SEPTIN6: variants seen among roughly 807,000 people sequenced by gnomAD.
SEPTIN6 encodes the protein septin 6.
Under a neutral mutation model 33.6 loss-of-function variants are expected in SEPTIN6, and 8 were observed. The observed-to-expected ratio is 0.24, with a 90% confidence interval of 0.14 to 0.43. The LOEUF is 0.43. Ranked by LOEUF, SEPTIN6 falls within the 20% of genes least tolerant of loss-of-function variation. The probability of loss-of-function intolerance (pLI) is 1.00; values close to 1 mark genes in which losing one functional copy is unlikely to be tolerated. For missense variants in SEPTIN6, 250 were observed against 340.8 expected (o/e 0.73, Z 2.10); for synonymous variants, 131 against 140.0 (o/e 0.94, Z 0.45).
downstream of SEPTIN6, chrX:119,616,096 C>T (rs2053662266): frequency 5.4e-6 from 1 of 186,403 alleles, no homozygotes; most frequent in African/African-American, 2.9e-5. Context: ...CTCTCAAAAC[C>T]CTAACTGGTC....
intron 5 of SEPTIN6, among the ~76,000 whole-genome samples, chrX:119,641,826 G>A (rs1372717131): frequency 8.9e-6 from 1 of 112,787 alleles, no homozygotes; most frequent in Admixed American, 9.4e-5. Flanking sequence ...GTGAGCCCAG[G>A]TGGGGCTTTG....
At chrX:119,686,437 C>T (rs987669402) in intron 1 of SEPTIN6, 15 of 303,457 alleles carry the variant, frequency 4.9e-5, no homozygotes, top group Non-Finnish European at 5.7e-6. Context: ...AGAAGGCCTG[C>T]AGATCTTTTC....
At chrX:119,669,828 T>C (rs2054710543) in intron 2 of SEPTIN6, among the ~76,000 whole-genome samples, 1 of 112,017 alleles carries the variant, frequency 8.9e-6, no homozygotes, top group South Asian at 3.7e-4. Flanking sequence ...CTAGCTGCCC[T>C]TTCCCTCCTC....
At chrX:119,630,887 T>C (rs2053946387) in intron 8 of SEPTIN6, among the ~76,000 whole-genome samples, 1 of 99,764 alleles carries the variant, frequency 1.0e-5, no homozygotes, top group South Asian at 4.4e-4. Context: ...TGAGACTCTG[T>C]CTCGGAAAAA....
In SEPTIN6 at chrX:119,652,866, C is replaced by T; in HGVS notation, c.516G>A (p.Lys172=). The part of the protein sequence containing the change: ...LKSLDLVTMK[K]LDSKVNIIPI... ...CTGCCTCCTATACCTTACTGTCCAG[C>T]TTCTTCATAGTCACTAGGTCCAGAG... Residue 172 remains lysine (K), a synonymous_variant, in exon 4 of 11, where the codon AAG becomes AAA. Coordinates refer to ENST00000394610, the MANE Select transcript of SEPTIN6 (RefSeq NM_145799.4). 1 of 1,210,528 alleles carries T rather than the reference C, an allele frequency of 8.3e-7. No individual in the cohort carries two copies. Among genetic ancestry groups the T allele is most frequent in the Non-Finnish European group, 1.1e-6 (1 of 894,849 alleles).
intron 2 of SEPTIN6, among the ~76,000 whole-genome samples, chrX:119,665,345 C>G (rs1009421405): frequency 9.0e-6 from 1 of 111,483 alleles, no homozygotes; most frequent in Non-Finnish European, 1.9e-5. Context: ...CTCTGGTGAT[C>G]CACCTGCCTC....
intron 10 of SEPTIN6, chrX:119,624,154 T>G (rs112780297): frequency 0.097 from 23,566 of 241,800 alleles, 2,024 homozygotes; most frequent in African/African-American, 0.38. Flanking sequence ...GTTTTTTTTT[T>G]TTGTTTTTTT....
chrX:119,633,487 T>C lies in SEPTIN6; in HGVS notation c.962A>G (p.Gln321Arg). 1 of 1,196,897 alleles carries C rather than the reference T, an allele frequency of 8.4e-7. No individual in the cohort carries two copies. Among genetic ancestry groups the C allele is most frequent in the Non-Finnish European group, 1.1e-6 (1 of 889,023 alleles). The change falls in exon 8 of 11, where the codon CAG becomes CGG. Residue 321 changes from glutamine (Q) to arginine (R), a missense_variant. Gln to Arg is a conservative substitution (Grantham distance 43). This residue lies in a region of SEPTIN6 where 139 missense variants were observed against 227.0 expected (regional missense o/e 0.61). Transcript: ENST00000394610. ...TDPDSKPFSL[Q>R]ETYEAKRNEF... ...GTTCCTTTTGGCCTCATATGTCTCCTGTAAACTGCGAACATGGTCAGGTTA... is the reference window on the plus strand; with the variant it reads ...GTTCCTTTTGGCCTCATATGTCTCCCGTAAACTGCGAACATGGTCAGGTTA...
At chrX:119,621,380 C>T (rs2053757108) in intron 10 of SEPTIN6, among the ~76,000 whole-genome samples, 1 of 104,717 alleles carries the variant, frequency 9.5e-6, no homozygotes, top group Non-Finnish European at 1.9e-5. Flanking sequence ...ATGAGTAGAC[C>T]AAGAAACACA....
intron 10 of SEPTIN6, among the ~76,000 whole-genome samples, chrX:119,622,962 A>C (rs1243367992): frequency 8.9e-6 from 1 of 112,349 alleles, no homozygotes; most frequent in African/African-American, 3.2e-5. Context: ...CAGACAGTAA[A>C]TCAAGTCACT....
Position 119,617,138 on chromosome X carries a change from G to A in SEPTIN6, c.*2955C>T. The A allele has an allele frequency of 1.3e-6, 1 of 745,677 alleles. No individual in the cohort carries two copies. The highest frequency in any genetic ancestry group is 7.0e-5 in the Admixed American group (1 of 14,347). The allele number at this position is 745,677 out of a possible 1,213,427, so 61.5% of individuals were successfully genotyped here. On this transcript the variant is annotated 3_prime_UTR_variant, in exon 11 of 11. Coordinates refer to ENST00000394610, the MANE Select transcript of SEPTIN6 (RefSeq NM_145799.4). ...TGTGTGTGTGTGTGTGTGTGTGTGT[G>A]TGTGTGTGTGTTTCAGAAAAGCCAC...
At chrX:119,620,260 G>C (rs1343368856) in intron 10 of SEPTIN6, among the ~76,000 whole-genome samples, 2 of 110,389 alleles carry the variant, frequency 1.8e-5, no homozygotes, top group Non-Finnish European at 3.8e-5. Flanking sequence ...GATGGCAGCA[G>C]TGGCATTAGC....
At chrX:119,621,800 T>TAA (rs66515149) in intron 10 of SEPTIN6, among the ~76,000 whole-genome samples, 65 of 87,386 alleles carry the variant, frequency 7.4e-4, no homozygotes, top group East Asian at 4.8e-3. Flanking sequence ...CCAACTCTCT[T>TAA]AAAAAAAAAA....
chrX:119,649,883 AAAT>A, intron 5 of SEPTIN6, 51 bp downstream of exon 5: 1 of 1,135,363 alleles, frequency 8.8e-7, no homozygotes, highest in Non-Finnish European at 1.2e-6. Flanking sequence ...AAGCACATTA[AAAT>A]AATGATAATC....
rs2053924926 is a variant in SEPTIN6 at position 119,629,644 on chromosome X, G to T, written c.1090-136C>A. The T allele has an allele frequency of 1.2e-5, 6 of 506,373 alleles. No homozygotes were observed. In the East Asian group the frequency reaches 2.1e-4, roughly 18 times the overall value. The allele number at this position is 506,373 out of a possible 1,213,427, so 41.7% of individuals were successfully genotyped here. On this transcript the variant is annotated intron_variant, in intron 8 of 10. Coordinates refer to ENST00000394610, the MANE Select transcript of SEPTIN6 (RefSeq NM_145799.4). ...AACCTCAGGGGGCATTTCTGTCAGG[G>T]ATTGCTATGATGGCACCAAAGGCAC...
intron 2 of SEPTIN6, among the ~76,000 whole-genome samples, chrX:119,668,395 T>C (rs969277880): frequency 9.0e-6 from 1 of 111,670 alleles, no homozygotes; most frequent in Admixed American, 9.5e-5. Flanking sequence ...CTAAGTTACT[T>C]TGTGACATGA....
At chrX:119,650,125 T>C in intron 4 of SEPTIN6, 27 bp from the exon 5 acceptor site, 1 of 1,198,956 alleles carries the variant, frequency 8.3e-7, no homozygotes, top group Non-Finnish European at 1.1e-6. Context: ...CAAAGTGGGG[T>C]CATTGTTGGT....
Position 119,618,619 on chromosome X carries a change from AAAG to A in SEPTIN6, c.*1471_*1473del, listed in dbSNP as rs778074979. 1.9e-4 allele frequency: 205 copies of A among 1,053,643 alleles called. 1 individual carries two copies. Among genetic ancestry groups the A allele is most frequent in the South Asian group, 9.6e-4 (30 of 31,167 alleles). 86.8% of individuals were successfully genotyped at this position (1,053,643 alleles called of 1,213,427 possible). A position where few individuals can be genotyped will look rare whatever the true frequency, so the allele number is the denominator to read the frequency against. On this transcript the variant is annotated 3_prime_UTR_variant, in exon 11 of 11. Coordinates refer to ENST00000394610, the MANE Select transcript of SEPTIN6 (RefSeq NM_145799.4). Reference sequence around the variant, plus strand: ...GGCAGGAGCAAGTTGCGGAACTCAAAAAGAAGAAGTGAGCTTGAAGTACATGGC... The same window carrying A: ...GGCAGGAGCAAGTTGCGGAACTCAAAAAGAAGTGAGCTTGAAGTACATGGC...
intron 3 of SEPTIN6, 25 bp downstream of exon 3, chrX:119,663,453 ACCCT>A: frequency 3.4e-6 from 1 of 293,592 alleles, no homozygotes; most frequent in Non-Finnish European, 6.0e-6. Context: ...CAACCTCCCC[ACCCT>A]ACCCCACCCC....
Sources: gnomAD v4.1 joint callset for allele counts (sites outside exome capture counted in the v4.1 genomes callset) on GRCh38, gnomAD v4.1.1 for gene constraint, gnomAD v4.1.1 regional missense constraint, MANE v1.5 for transcripts, NCBI Gene and HGNC (gene_info 2026-07-23, HGNC 2026-07-21) for gene names.